The following ZNF333 variants were observed in gnomAD, a reference collection of about 807,000 sequenced individuals.
ZNF333 encodes zinc finger protein 333.
In ZNF333, 61 loss-of-function variants were observed where a neutral mutation model predicts 76.1. The observed-to-expected ratio is 0.80, with a 90% CI of 0.65 to 0.99. The LOEUF (loss-of-function observed/expected upper bound fraction) is 0.99. ZNF333 is among the 50% of genes least tolerant of loss of function. The probability of loss-of-function intolerance (pLI) is 0.00; values close to 1 mark genes in which losing one functional copy is unlikely to be tolerated. For synonymous variants in ZNF333, 284 were observed against 305.0 expected, an observed-to-expected ratio of 0.93 and a Z score of 0.72; for missense variants, 717 against 822.4, an observed-to-expected ratio of 0.87 and a Z score of 1.57.
chr19:14,698,066 C>T (rs1300091500), intron 4 of ZNF333, among the ~76,000 whole-genome samples: 2 of 152,096 alleles, frequency 1.3e-5, no homozygotes, highest in Non-Finnish European at 2.9e-5. Context: ...TCTTCCCTTT[C>T]AGGATCTTCC....
intron 7 of ZNF333, chr19:14,708,021 T>C: frequency 2.5e-6 from 1 of 399,418 alleles, no homozygotes; most frequent in African/African-American, 2.1e-5. Context: ...TATTTTATTT[T>C]AATTGAGACA....
At chr19:14,731,051 C>T (rs768919661) in intron 11 of ZNF333, 13 of 796,704 alleles carry the variant, frequency 1.6e-5, no homozygotes, top group Non-Finnish European at 2.5e-5. Context: ...TAGGCAGTCC[C>T]TTACATGCTG....
At chr19:14,694,626 A>G (rs572539361) in intron 2 of ZNF333, among the ~76,000 whole-genome samples, 1 of 152,354 alleles carries the variant, frequency 6.6e-6, no homozygotes, top group Non-Finnish European at 1.5e-5. Flanking sequence ...CCAATTTGTA[A>G]TAAGGAGTTT....
rs2042568387 is a variant in ZNF333 at position 14,720,748 on chromosome 19, C to A, written c.*1423C>A. On this transcript the variant is annotated 3_prime_UTR_variant, in exon 12 of 12. Transcript: ENST00000292530. ...TTCTACAAATGTCTGCTAGATCAAG[C>A]AAATGTGTTTAAAAACCATCTACAC... 1.0e-6 allele frequency: 1 copy of A among 984,702 alleles called. No individual in the cohort carries two copies. The highest frequency in any genetic ancestry group is 1.2e-6 in the Non-Finnish European group (1 of 829,716). The allele number at this position is 984,702 out of a possible 1,614,324, so 61.0% of individuals were successfully genotyped here.
At chr19:14,712,582 G>A (rs950226628) in intron 7 of ZNF333, among the ~76,000 whole-genome samples, 1 of 152,058 alleles carries the variant, frequency 6.6e-6, no homozygotes, top group Non-Finnish European at 1.5e-5. Context: ...CCGAAATTAA[G>A]GTGTCGACAG....
chr19:14,724,269 G>A (rs2042620434), downstream of ZNF333, among the ~76,000 whole-genome samples: 1 of 152,170 alleles, frequency 6.6e-6, no homozygotes. Context: ...ACACACTTTA[G>A]AAGGGCTGTG....
chr19:14,716,390 C>A, intron 9 of ZNF333, 152 bp downstream of exon 9: 1 of 857,546 alleles, frequency 1.2e-6, no homozygotes, highest in Non-Finnish European at 1.7e-6. Flanking sequence ...TCCCGAGTAG[C>A]TGGGACCACA....
At chr19:14,728,249 A>G (rs1172631027) in intron 11 of ZNF333, among the ~76,000 whole-genome samples, 3 of 152,242 alleles carry the variant, frequency 2.0e-5, no homozygotes, top group African/African-American at 7.2e-5. Flanking sequence ...TCAAGCTGCA[A>G]AATTTGAGCT....
chr19:14,724,638 A>T (rs1435555743), downstream of ZNF333, among the ~76,000 whole-genome samples: 2 of 152,008 alleles, frequency 1.3e-5, no homozygotes. Flanking sequence ...TGGTGGCGGG[A>T]GCCTGTAATC....
rs939280315 is a variant in ZNF333, at chr19:14,698,818, C to T, written c.224-381C>T. ...TTGCGCCACTGCACTCCAGCCTGGG[C>T]GAAAGAGCAAGACTCTGTCTCAAAA... On this transcript the variant is annotated intron_variant, in intron 4 of 11. Coordinates refer to ENST00000292530, the MANE Select transcript of ZNF333 (RefSeq NM_032433.4). Among the ~76,000 whole-genome samples, 103 of 146,984 alleles carry T rather than the reference C, an allele frequency of 7.0e-4. 1 individual carries two copies. Among genetic ancestry groups the T allele is most frequent in the African/African-American group, 2.5e-3 (100 of 39,664 alleles).
intron 5 of ZNF333, among the ~76,000 whole-genome samples, chr19:14,700,853 G>A (rs538298048): frequency 1.3e-5 from 2 of 152,278 alleles, no homozygotes; most frequent in African/African-American, 2.4e-5. Context: ...GAGCGTCAGG[G>A]ATGCCCCACA....
chr19:14,720,264 G>A lies in ZNF333; in HGVS notation c.*939G>A, dbSNP rs2042560008. On this transcript the variant is annotated 3_prime_UTR_variant, in exon 12 of 12. Coordinates refer to ENST00000292530, the MANE Select transcript of ZNF333 (RefSeq NM_032433.4). ...AGGGCAGGCCATTTCCTCCGGTCCT[G>A]GCTAGTATGAATATGAGAAGTCACT... The A allele has an allele frequency of 4.0e-5, 39 of 985,240 alleles. No individual in the cohort carries two copies. The highest frequency in any genetic ancestry group is 4.7e-5 in the Non-Finnish European group (39 of 829,940). The allele number at this position is 985,240 out of a possible 1,614,324, so 61.0% of individuals were successfully genotyped here.
chr19:14,702,648 A>G (rs1167703611), intron 5 of ZNF333, among the ~76,000 whole-genome samples: 1 of 152,226 alleles, frequency 6.6e-6, no homozygotes, highest in Non-Finnish European at 1.5e-5. Flanking sequence ...TTGAGGCTGC[A>G]GTGTTGCTGC....
At chr19:14,727,942 G>T (rs2042643607) in intron 11 of ZNF333, among the ~76,000 whole-genome samples, 1 of 152,158 alleles carries the variant, frequency 6.6e-6, no homozygotes, top group South Asian at 2.1e-4. Flanking sequence ...AATATATTTG[G>T]CCAGGTGCGG....
intron 7 of ZNF333, among the ~76,000 whole-genome samples, chr19:14,710,259 C>G (rs1454375624): frequency 6.6e-6 from 1 of 152,176 alleles, no homozygotes; most frequent in Non-Finnish European, 1.5e-5. Flanking sequence ...AGAACCGCAC[C>G]CCCCAGCCCA....
chr19:14,716,131 A>G lies in ZNF333; in HGVS notation c.620A>G (p.Asp207Gly). The G allele has an allele frequency of 1.2e-6, 2 of 1,614,064 alleles. No homozygotes were observed. Among genetic ancestry groups the G allele is most frequent in the South Asian group, 1.1e-5 (1 of 91,080 alleles). ...TTTTAGGAACCAGTCACCTTTGCAGATGTGGCTGTGGTGTTCACCCCAGAA... is the reference window on the plus strand; with the variant it reads ...TTTTAGGAACCAGTCACCTTTGCAGGTGTGGCTGTGGTGTTCACCCCAGAA... ...ACSQEPVTFA[D>G]VAVVFTPEEW... Residue 207 changes from aspartate (D) to glycine (G), a missense_variant, in exon 9 of 12, where the codon GAT becomes GGT. By Grantham distance (94) the Asp-to-Gly change is moderately conservative. Transcript: ENST00000292530.
Position 14,708,697 on chromosome 19 carries a change from G to A in ZNF333, c.511+1924G>A, listed in dbSNP as rs544068491. ...GATGCTACGAGCACTTTTCCTCTAT[G>A]AGTTTGCTAGGGCTGCCATATCAAA... On this transcript the variant is annotated intron_variant, in intron 7 of 11. Coordinates refer to ENST00000292530, the MANE Select transcript of ZNF333 (RefSeq NM_032433.4). The A allele has an allele frequency of 2.6e-4, 67 of 259,924 alleles. No homozygotes were observed. The Middle Eastern group carries it at 3.4e-3, about 13-fold the overall frequency. The allele number at this position is 259,924 out of a possible 1,614,324, so 16.1% of individuals were successfully genotyped here. A position where few individuals can be genotyped will look rare whatever the true frequency, so the allele number is the denominator to read the frequency against.
At chr19:14,716,957 A>T (rs1313518794) in intron 9 of ZNF333, 37 bp from the exon 10 acceptor site, 1 of 1,572,640 alleles carries the variant, frequency 6.4e-7, no homozygotes, top group Non-Finnish European at 8.7e-7. Context: ...GGCATGGCAC[A>T]GTCCTCGCAC....
chr19:14,704,516 C>G (rs377102556), intron 5 of ZNF333, among the ~76,000 whole-genome samples: 1 of 152,092 alleles, frequency 6.6e-6, no homozygotes, highest in African/African-American at 2.4e-5. Flanking sequence ...AAGACATACC[C>G]GAGACTGGGC....
Sources: gnomAD v4.1 joint callset for allele counts (sites outside exome capture counted in the v4.1 genomes callset) on GRCh38, gnomAD v4.1.1 for gene constraint, MANE v1.5 for transcripts, NCBI Gene and HGNC (gene_info 2026-07-23, HGNC 2026-07-21) for gene names.